PIK3C3: variants seen among roughly 807,000 people sequenced by gnomAD.
PIK3C3 encodes the protein PI3-kinase type 3.
In PIK3C3, 95 loss-of-function variants were observed where a neutral mutation model predicts 126.1. The observed-to-expected ratio is 0.75, with a 90% CI of 0.64 to 0.89. PIK3C3 has a LOEUF of 0.89. Ranked by LOEUF, PIK3C3 falls within the 40% of genes least tolerant of loss-of-function variation. PIK3C3 has a pLI of 0.00. For synonymous variants in PIK3C3, 374 were observed against 360.0 expected, an observed-to-expected ratio of 1.04 and a Z score of -0.44; for missense variants, 829 against 1,063.2, an observed-to-expected ratio of 0.78 and a Z score of 3.06.
At chr18:41,967,838 A>G (rs919396191) in intron 3 of PIK3C3, among the ~76,000 whole-genome samples, 4 of 152,202 alleles carry the variant, frequency 2.6e-5, no homozygotes, top group Non-Finnish European at 4.4e-5. Context: ...TTGGTGCTGT[A>G]GTGGCTTGGC....
At chr18:42,015,656 ATAAC>A (rs1414138346) in intron 12 of PIK3C3, 90 bp downstream of exon 12, 26 of 831,162 alleles carry the variant, frequency 3.1e-5, no homozygotes, top group Non-Finnish European at 4.6e-5. Flanking sequence ...TTTTGATTAA[ATAAC>A]TAAATATTAC....
chr18:42,037,171 T>A (rs566607060), intron 16 of PIK3C3, among the ~76,000 whole-genome samples: 1 of 152,334 alleles, frequency 6.6e-6, no homozygotes, highest in African/African-American at 2.4e-5. Context: ...TGTAGTATAC[T>A]TGCCATTAAA....
rs183262152 is a variant in PIK3C3, at chr18:42,083,256, A to T, written c.*2119A>T. ...GCTCTATCCTCAGAGTGTAGTCTGC[A>T]TATTTCTTTATTATCATTGCCATGT... On this transcript the variant is annotated 3_prime_UTR_variant, in exon 25 of 25. Coordinates refer to ENST00000262039, the MANE Select transcript of PIK3C3 (RefSeq NM_002647.4). 2 of 152,286 alleles carry T rather than the reference A, an allele frequency of 1.3e-5. No homozygotes were observed. Among genetic ancestry groups the T allele is most frequent in the Admixed American group, 1.3e-4 (2 of 15,296 alleles). The allele number at this position is 152,286 out of a possible 1,614,324, so 9.4% of individuals were successfully genotyped here. A position where few individuals can be genotyped will look rare whatever the true frequency, so the allele number is the denominator to read the frequency against.
intron 22 of PIK3C3, among the ~76,000 whole-genome samples, chr18:42,062,837 A>G (rs776251021): frequency 1.3e-5 from 2 of 151,942 alleles, no homozygotes; most frequent in African/African-American, 2.4e-5. Context: ...AGCCTCTCCT[A>G]TCTTGGTGAA....
At chr18:42,013,710 G>C in intron 11 of PIK3C3, 114 bp downstream of exon 11, 1 of 746,870 alleles carries the variant, frequency 1.3e-6, no homozygotes, top group East Asian at 2.7e-5. Flanking sequence ...TAATTTTGAA[G>C]TTTTACTAGT....
intron 19 of PIK3C3, among the ~76,000 whole-genome samples, chr18:42,041,855 C>G (rs1984337856): frequency 1.3e-5 from 2 of 152,296 alleles, no homozygotes; most frequent in East Asian, 1.9e-4. Flanking sequence ...CATCAAACTG[C>G]CTGGGATTGA....
chr18:42,052,396 T>C (rs1226832860), intron 21 of PIK3C3, among the ~76,000 whole-genome samples: 1 of 152,178 alleles, frequency 6.6e-6, no homozygotes, highest in Non-Finnish European at 1.5e-5. Flanking sequence ...AAGATGCACA[T>C]TTTTTTCCTA....
At chr18:42,044,712 C>T (rs972238827) in intron 20 of PIK3C3, among the ~76,000 whole-genome samples, 3 of 152,098 alleles carry the variant, frequency 2.0e-5, no homozygotes, top group Non-Finnish European at 4.4e-5. Flanking sequence ...GAGCCACCAT[C>T]CCCAGCATGT....
chr18:42,020,425 A>G (rs1013987634), intron 12 of PIK3C3, among the ~76,000 whole-genome samples: 18 of 152,116 alleles, frequency 1.2e-4, no homozygotes, highest in African/African-American at 3.9e-4. Context: ...CAGGAGGACA[A>G]GGAGTCCTCT....
chr18:42,076,118 A>ATATG (rs1491463798), intron 24 of PIK3C3, among the ~76,000 whole-genome samples: 15 of 66,678 alleles, frequency 2.2e-4, no homozygotes, highest in Admixed American at 9.5e-4. Flanking sequence ...ATATATATAT[A>ATATG]TATGCGCATA....
chr18:41,957,139 T>C (rs1979819831), intron 1 of PIK3C3, among the ~76,000 whole-genome samples: 1 of 152,220 alleles, frequency 6.6e-6, no homozygotes, highest in Non-Finnish European at 1.5e-5. Flanking sequence ...TGCTTATCTT[T>C]TCTTTCTTCT....
At chr18:42,028,828 A>G (rs1428992318) in intron 14 of PIK3C3, among the ~76,000 whole-genome samples, 1 of 152,232 alleles carries the variant, frequency 6.6e-6, no homozygotes, top group Non-Finnish European at 1.5e-5. Flanking sequence ...ACTACATAGG[A>G]CCGTATAGCA....
intron 4 of PIK3C3, among the ~76,000 whole-genome samples, chr18:41,982,266 G>A (rs76692125): frequency 0.03 from 4,469 of 151,462 alleles, 84 homozygotes; most frequent in Non-Finnish European, 0.043. Context: ...ATCATATAAA[G>A]GGTTACTGGA....
rs764797517 is a variant in PIK3C3 at position 41,956,796 on chromosome 18, TTACG to T, written c.69-772_69-769del. On this transcript the variant is annotated intron_variant, in intron 1 of 24. Coordinates refer to ENST00000262039, the MANE Select transcript of PIK3C3 (RefSeq NM_002647.4). ...TAGTGTTTATTCTCAGCTCTGTTAC[TTACG>T]TTGTGACTGTGGATAAGGAGTTTAG... is the stretch of plus-strand genomic sequence containing the variant. Among the ~76,000 whole-genome samples, 21 of 152,198 alleles carry T rather than the reference TTACG, an allele frequency of 1.4e-4. 1 individual carries two copies. Among genetic ancestry groups the T allele is most frequent in the Non-Finnish European group, 2.1e-4 (14 of 68,034 alleles).
intron 9 of PIK3C3, among the ~76,000 whole-genome samples, chr18:42,000,515 G>A (rs1982234716): frequency 6.6e-6 from 1 of 152,168 alleles, no homozygotes; most frequent in African/African-American, 2.4e-5. Flanking sequence ...TGGAGACAAT[G>A]GCCAGGGGTT....
Position 41,980,905 on chromosome 18 carries a change from G to A in PIK3C3, c.532-6907G>A, listed in dbSNP as rs1247173364. ...ATCCTAGATATAACATTTGGGTTGA[G>A]CAGAAGAGTCTTATATTTTTTTCTT... On this transcript the variant is annotated intron_variant, in intron 4 of 24. Transcript: ENST00000262039. 2.0e-5 allele frequency among the ~76,000 whole-genome samples: 3 copies of A among 152,098 alleles called. No individual in the cohort carries two copies. The South Asian group carries it at 6.2e-4, about 31-fold the overall frequency.
At position 42,027,474 on chromosome 18, in the gene PIK3C3, A is replaced by T. The variant is rs1453724049; in HGVS notation, c.1516A>T (p.Thr506Ser). The change falls in exon 14 of 25, where the codon ACT becomes TCT. Residue 506 changes from threonine to serine, a missense_variant. Transcript: ENST00000262039. ...YVIVECEDQD[T>S]QQRDPKTHEM... The stretch of plus-strand genomic sequence containing the variant: ...GATAGTGGAATGTGAAGATCAAGAT[A>T]CTCAGCAGAGAGATCCAAAGACCCA... 1 of 1,609,214 alleles carries T rather than the reference A, an allele frequency of 6.2e-7. No individual in the cohort carries two copies. The highest frequency in any genetic ancestry group is 1.7e-5 in the Admixed American group (1 of 59,900).
Position 42,000,483 on chromosome 18 carries a change from A to G in PIK3C3, c.984+3753A>G, listed in dbSNP as rs548653893. 2.3e-4 allele frequency among the ~76,000 whole-genome samples: 35 copies of G among 152,308 alleles called. No individual in the cohort carries two copies. The South Asian group carries it at 6.8e-3, about 30-fold the overall frequency. ...TTTGGAGGGCAAGGGATGGAGAAGA[A>G]GCTATACAAGTAAGTTGACTTTGGA... On this transcript the variant is annotated intron_variant, in intron 9 of 24. Coordinates refer to ENST00000262039, the MANE Select transcript of PIK3C3 (RefSeq NM_002647.4).
intron 11 of PIK3C3, 70 bp from the exon 12 acceptor site, chr18:42,015,406 T>TA: frequency 8.6e-7 from 1 of 1,158,848 alleles, no homozygotes; most frequent in Non-Finnish European, 1.3e-6. Context: ...AACTGTTCCA[T>TA]AAAAAATTGT....
Sources: gnomAD v4.1 joint callset for allele counts (sites outside exome capture counted in the v4.1 genomes callset) on GRCh38, gnomAD v4.1.1 for gene constraint, MANE v1.5 for transcripts, NCBI Gene and HGNC (gene_info 2026-07-23, HGNC 2026-07-21) for gene names.